Variants in SGK1 observed in about 807,000 individuals in gnomAD.
The protein encoded by SGK1 is serum/glucocorticoid regulated kinase 1, also known as serine/threonine-protein kinase Sgk1.
Under a neutral mutation model 64.2 loss-of-function variants are expected in SGK1, and 26 were observed. The ratio of observed to expected loss-of-function variants is 0.40; its 90% CI spans 0.30 to 0.56. The LOEUF is 0.56. Among genes scored for constraint, SGK1 ranks in the 20% least tolerant of loss-of-function variants. SGK1 has a pLI of 0.38. For synonymous variants in SGK1, 265 were observed against 239.7 expected, an observed-to-expected ratio of 1.11 and a Z score of -0.98; for missense variants, 519 against 645.6, an observed-to-expected ratio of 0.80 and a Z score of 2.12.
At position 134,206,692 on chromosome 6, in the gene SGK1, C is replaced by A. The variant is rs189949051; in HGVS notation, c.361+664G>T. On this transcript the variant is annotated intron_variant, in intron 3 of 13. Coordinates refer to ENST00000367858, the MANE Select transcript of SGK1 (RefSeq NM_001143676.3). ...GACCAGCCTGGCTAACATGGTGAAA[C>A]CCTGTCTCCATTAAAAATACAAAAA... 1.8e-3 allele frequency among the ~76,000 whole-genome samples: 266 copies of A among 150,766 alleles called. 1 individual carries two copies. The highest frequency in any genetic ancestry group is 6.0e-3 in the African/African-American group (245 of 41,086).
At chr6:134,231,247 A>G (rs1243474563) in intron 2 of SGK1, among the ~76,000 whole-genome samples, 4 of 152,208 alleles carry the variant, frequency 2.6e-5, no homozygotes, top group African/African-American at 9.6e-5. Flanking sequence ...GCTTATTACT[A>G]CATTCCTCAA....
rs144390568 is a variant in SGK1, at chr6:134,306,481, C to T, written c.69+10911G>A. Among the ~76,000 whole-genome samples, 289 of 152,140 alleles carry T rather than the reference C, an allele frequency of 1.9e-3. 2 individuals are homozygous for T. Among genetic ancestry groups the T allele is most frequent in the African/African-American group, 6.3e-3 (261 of 41,524 alleles). On this transcript the variant is annotated intron_variant, in intron 1 of 13. Coordinates refer to ENST00000367858, the MANE Select transcript of SGK1 (RefSeq NM_001143676.3). ...TGAGCATGTTATGGAGGGACACAAT[C>T]CAAGTTTCTGGGGAAGGGAGTTGGG...
intron 1 of SGK1, among the ~76,000 whole-genome samples, chr6:134,267,750 G>A (rs1776875632): frequency 6.6e-6 from 1 of 152,140 alleles, no homozygotes; most frequent in Admixed American, 6.6e-5. Context: ...CTCCCTCTCT[G>A]TCCACACAGA....
chr6:134,236,488 A>T lies in SGK1; in HGVS notation c.285+25445T>A, dbSNP rs569782859. Reference sequence around the variant, plus strand: ...CAAAAAATACAAAAATTAGCTGGGCATGGTGACACGTGCCTGTAGCCCCAG... The same window carrying T: ...CAAAAAATACAAAAATTAGCTGGGCTTGGTGACACGTGCCTGTAGCCCCAG... On this transcript the variant is annotated intron_variant, in intron 2 of 13. Coordinates refer to ENST00000367858, the MANE Select transcript of SGK1 (RefSeq NM_001143676.3). Among the ~76,000 whole-genome samples the T allele has an allele frequency of 2.6e-5, 4 of 152,238 alleles. No individual in the cohort carries two copies. In the South Asian group the frequency reaches 8.3e-4, roughly 32 times the overall value.
chr6:134,228,708 A>C (rs1217618687), intron 2 of SGK1, among the ~76,000 whole-genome samples: 1 of 152,236 alleles, frequency 6.6e-6, no homozygotes, highest in Non-Finnish European at 1.5e-5. Context: ...GCGCAAAGGC[A>C]GAAGTGGATC....
In SGK1 at chr6:134,202,682, C is replaced by T. The variant is rs938166510; in HGVS notation, c.361+4674G>A. Among the ~76,000 whole-genome samples, 6 of 151,856 alleles carry T rather than the reference C, an allele frequency of 4.0e-5. 1 individual carries two copies. The East Asian group carries it at 9.7e-4, about 25-fold the overall frequency. On this transcript the variant is annotated intron_variant, in intron 3 of 13. Coordinates refer to ENST00000367858, the MANE Select transcript of SGK1 (RefSeq NM_001143676.3). Reference sequence around the variant, plus strand: ...ATAAAAACATGAAAAAAAAGAAATCCTAAAGGAAAATTTCCAGGCTAAAGG... The same window carrying T: ...ATAAAAACATGAAAAAAAAGAAATCTTAAAGGAAAATTTCCAGGCTAAAGG...
intron 3 of SGK1, among the ~76,000 whole-genome samples, chr6:134,191,352 A>G (rs1775505802): frequency 6.6e-6 from 1 of 152,150 alleles, no homozygotes; most frequent in South Asian, 2.1e-4. Flanking sequence ...ACCATTTATT[A>G]AGGTCTTTCT....
At chr6:134,207,081 C>T (rs1337806165) in intron 3 of SGK1, among the ~76,000 whole-genome samples, 1 of 151,890 alleles carries the variant, frequency 6.6e-6, no homozygotes, top group East Asian at 1.9e-4. Flanking sequence ...AAAAAATTAG[C>T]TGGGCATGGT....
chr6:134,264,922 A>G (rs1391491167), intron 1 of SGK1, among the ~76,000 whole-genome samples: 1 of 152,206 alleles, frequency 6.6e-6, no homozygotes, highest in Non-Finnish European at 1.5e-5. Context: ...TGTTGGGATT[A>G]CAAGTGTGAG....
chr6:134,239,518 G>A (rs1776411641), intron 2 of SGK1, among the ~76,000 whole-genome samples: 1 of 152,178 alleles, frequency 6.6e-6, no homozygotes, highest in African/African-American at 2.4e-5. Flanking sequence ...TTCTTTATCT[G>A]TAAAATTAAG....
chr6:134,229,045 G>A (rs545168837), intron 2 of SGK1, among the ~76,000 whole-genome samples: 7 of 152,136 alleles, frequency 4.6e-5, no homozygotes, highest in South Asian at 2.1e-4. Flanking sequence ...GGGTTTCACC[G>A]TGGTCTCGAT....
intron 2 of SGK1, among the ~76,000 whole-genome samples, chr6:134,230,884 C>A (rs7770989): frequency 0.027 from 4,041 of 152,118 alleles, 166 homozygotes; most frequent in African/African-American, 0.092. Context: ...CGTGGTGGCA[C>A]GTGCCTGTAA....
rs558510756 is a variant in SGK1 at position 134,170,232 on chromosome 6, C to T, written c.*36G>A. ...AGGCTAACTAAAACATTCGGAAACACACATAAAATCCTTTAAAACCAAGCC... is the reference window on the plus strand; with the variant it reads ...AGGCTAACTAAAACATTCGGAAACATACATAAAATCCTTTAAAACCAAGCC... On this transcript the variant is annotated 3_prime_UTR_variant, in exon 14 of 14. Coordinates refer to ENST00000367858, the MANE Select transcript of SGK1 (RefSeq NM_001143676.3). 6.5e-7 allele frequency: 1 copy of T among 1,545,516 alleles called. No individual in the cohort carries two copies.
At chr6:134,180,232 G>A (rs747143138) in intron 3 of SGK1, 2 of 152,192 alleles carry the variant, frequency 1.3e-5, no homozygotes, top group African/African-American at 2.4e-5. Context: ...GGGATTATAA[G>A]TATAAGCCAC....
At chr6:134,268,996 T>A (rs971654487) in intron 1 of SGK1, among the ~76,000 whole-genome samples, 2 of 145,664 alleles carry the variant, frequency 1.4e-5, no homozygotes, top group African/African-American at 4.9e-5. Flanking sequence ...GTCTAGAAAA[T>A]TGCCAGATGT....
rs189465907 is a variant in SGK1 at position 134,174,205 on chromosome 6, C to T, written c.438-125G>A. 40 of 672,982 alleles carry T rather than the reference C, an allele frequency of 5.9e-5. No individual in the cohort carries two copies. In the Admixed American group the frequency reaches 1.2e-3, roughly 20 times the overall value. The allele number at this position is 672,982 out of a possible 1,614,324, so 41.7% of individuals were successfully genotyped here. On this transcript the variant is annotated intron_variant, in intron 4 of 13. Transcript: ENST00000367858. ...AATTCACTGTTTAAACTGAAAATAC[C>T]CCAATACATTAGTCAGTTAAAGAAA...
intron 2 of SGK1, among the ~76,000 whole-genome samples, chr6:134,215,435 T>A (rs573262518): frequency 1.1e-4 from 16 of 152,058 alleles, no homozygotes; most frequent in Middle Eastern, 3.4e-3. Context: ...TTATTAATAG[T>A]TCTACTGATG....
At chr6:134,253,293 C>CTTTT (rs71003685) in intron 2 of SGK1, among the ~76,000 whole-genome samples, 1 of 144,454 alleles carries the variant, frequency 6.9e-6, no homozygotes, top group Non-Finnish European at 1.5e-5. Context: ...TTTTGTTTTT[C>CTTTT]TTTTTTTTTT....
intron 2 of SGK1, among the ~76,000 whole-genome samples, chr6:134,207,921 T>C (rs931687985): frequency 7.7e-6 from 1 of 129,938 alleles, no homozygotes; most frequent in African/African-American, 3.5e-5. Flanking sequence ...AAATGCTTTT[T>C]TTGTTTGTTT....
Sources: gnomAD v4.1 joint callset for allele counts (sites outside exome capture counted in the v4.1 genomes callset) on GRCh38, gnomAD v4.1.1 for gene constraint, MANE v1.5 for transcripts, NCBI Gene and HGNC (gene_info 2026-07-23, HGNC 2026-07-21) for gene names.